The following PLEKHA5 variants were observed in gnomAD, a reference collection of about 807,000 sequenced individuals.
PLEKHA5 encodes the protein pleckstrin homology domain containing A5.
A neutral mutation model predicts 181.9 loss-of-function variants in PLEKHA5; 55 were observed. The ratio of observed to expected loss-of-function variants is 0.30; its 90% CI spans 0.24 to 0.38. The LOEUF is 0.38. PLEKHA5 is among the 10% of genes least tolerant of loss of function. PLEKHA5 has a pLI of 1.00. For synonymous variants in PLEKHA5, 535 were observed against 529.4 expected (o/e 1.01, Z -0.15); for missense variants, 1,432 against 1,549.5 (o/e 0.92, Z 1.27).
At chr12:19,349,988 T>G (rs967538594) in intron 25 of PLEKHA5, among the ~76,000 whole-genome samples, 2 of 152,252 alleles carry the variant, frequency 1.3e-5, no homozygotes, top group Middle Eastern at 3.4e-3. Context: ...AGCACACACC[T>G]GTAGTCCCAG....
At chr12:19,167,105 A>C (rs1023725710) in intron 3 of PLEKHA5, among the ~76,000 whole-genome samples, 1 of 152,104 alleles carries the variant, frequency 6.6e-6, no homozygotes, top group Non-Finnish European at 1.5e-5. Context: ...TCTGTTAAGG[A>C]TTGTTTCCCT....
At chr12:19,214,247 T>C (rs1239047605) in intron 3 of PLEKHA5, among the ~76,000 whole-genome samples, 2 of 151,568 alleles carry the variant, frequency 1.3e-5, no homozygotes, top group African/African-American at 4.9e-5. Flanking sequence ...GAGAGGGGAG[T>C]GTTAACTGTC....
At chr12:19,161,961 C>T (rs918748971) in intron 3 of PLEKHA5, among the ~76,000 whole-genome samples, 2 of 152,038 alleles carry the variant, frequency 1.3e-5, no homozygotes, top group Non-Finnish European at 2.9e-5. Context: ...CTTTTTAAAG[C>T]GGGTATCTGC....
At chr12:19,283,893 A>G in intron 12 of PLEKHA5, 148 bp downstream of exon 12, 1 of 599,046 alleles carries the variant, frequency 1.7e-6, no homozygotes. Flanking sequence ...AAATAAAAAT[A>G]TTTTACAACA....
intron 3 of PLEKHA5, among the ~76,000 whole-genome samples, chr12:19,204,972 C>T (rs1407598773): frequency 1.3e-5 from 2 of 152,114 alleles, no homozygotes; most frequent in Non-Finnish European, 2.9e-5. Flanking sequence ...TGTTTTGCAA[C>T]TTCCAATTCA....
At position 19,376,296 on chromosome 12, in the gene PLEKHA5, A is replaced by G. The variant is rs2095704407; in HGVS notation, c.*777A>G. On this transcript the variant is annotated 3_prime_UTR_variant, in exon 32 of 32. Transcript: ENST00000429027. ...ATGTTCATTGTGTATATATTATACAATGAGCACATGTAATGTATTAAAGGC... is the reference window on the plus strand; with the variant it reads ...ATGTTCATTGTGTATATATTATACAGTGAGCACATGTAATGTATTAAAGGC... The G allele has an allele frequency of 2.0e-5, 3 of 152,640 alleles. No individual in the cohort carries two copies. Among genetic ancestry groups the G allele is most frequent in the Admixed American group, 2.0e-4 (3 of 15,266 alleles). The allele number at this position is 152,640 out of a possible 1,614,324, so 9.5% of individuals were successfully genotyped here.
At chr12:19,274,429 A>C in intron 10 of PLEKHA5, 87 bp from the exon 11 acceptor site, 14 of 866,522 alleles carry the variant, frequency 1.6e-5, no homozygotes, top group African/African-American at 1.7e-5. Flanking sequence ...CCACCCCCGT[A>C]AAGTATAATT....
intron 3 of PLEKHA5, among the ~76,000 whole-genome samples, chr12:19,143,975 CA>C (rs1591798354): frequency 6.6e-6 from 1 of 152,098 alleles, no homozygotes; most frequent in East Asian, 1.9e-4. Context: ...TGAGAAAATA[CA>C]TGAGCTTTTT....
chr12:19,228,786 A>G (rs555221282), intron 3 of PLEKHA5, among the ~76,000 whole-genome samples: 3 of 152,260 alleles, frequency 2.0e-5, no homozygotes, highest in Admixed American at 2.0e-4. Flanking sequence ...TAATTTTTTA[A>G]TTCTCCTACA....
intron 15 of PLEKHA5, among the ~76,000 whole-genome samples, chr12:19,304,876 C>G (rs919668926): frequency 6.6e-6 from 1 of 152,114 alleles, no homozygotes; most frequent in South Asian, 2.1e-4. Context: ...GGGTGGATCT[C>G]TTGAGCCCAG....
intron 31 of PLEKHA5, among the ~76,000 whole-genome samples, chr12:19,375,087 G>T (rs1368524868): frequency 1.3e-5 from 2 of 151,988 alleles, no homozygotes; most frequent in African/African-American, 4.8e-5. Context: ...ACTTTGGGAG[G>T]CCAAGGCAGT....
chr12:19,278,791 G>T (rs16915316), intron 11 of PLEKHA5, among the ~76,000 whole-genome samples: 22,642 of 152,044 alleles, frequency 0.15, 1,789 homozygotes, highest in African/African-American at 0.21. Context: ...AAGAGCAATT[G>T]GGTACCTTTC....
At chr12:19,286,869 G>A (rs375407824) in intron 12 of PLEKHA5, among the ~76,000 whole-genome samples, 3 of 151,766 alleles carry the variant, frequency 2.0e-5, no homozygotes, top group African/African-American at 2.4e-5. Context: ...GAGAGGCTGC[G>A]GTAGGAGGAT....
At chr12:19,324,223 A>C (rs1021475831) in intron 20 of PLEKHA5, among the ~76,000 whole-genome samples, 1 of 152,158 alleles carries the variant, frequency 6.6e-6, no homozygotes, top group African/African-American at 2.4e-5. Flanking sequence ...CTGAATTCCA[A>C]ACGTGAGCCA....
intron 3 of PLEKHA5, among the ~76,000 whole-genome samples, chr12:19,196,419 G>A (rs2052753244): frequency 6.6e-6 from 1 of 152,118 alleles, no homozygotes; most frequent in South Asian, 2.1e-4. Context: ...GAGCATTAAG[G>A]TAACTAACAT....
At chr12:19,215,627 C>G (rs775386564) in intron 3 of PLEKHA5, among the ~76,000 whole-genome samples, 41 of 151,942 alleles carry the variant, frequency 2.7e-4, no homozygotes, top group East Asian at 1.9e-4. Context: ...TATAAAGAGC[C>G]CTGTTCTACT....
At chr12:19,202,779 G>A (rs1346931947) in intron 3 of PLEKHA5, among the ~76,000 whole-genome samples, 1 of 152,012 alleles carries the variant, frequency 6.6e-6, no homozygotes, top group Non-Finnish European at 1.5e-5. Flanking sequence ...CCTTTGGTTA[G>A]GTATCAGATG....
At chr12:19,207,701 A>G (rs2055917094) in intron 3 of PLEKHA5, 1 of 152,136 alleles carries the variant, frequency 6.6e-6, no homozygotes, top group Admixed American at 6.6e-5. Context: ...TTTCTGGCAT[A>G]TGGTTTACTT....
intron 30 of PLEKHA5, 39 bp downstream of exon 30, chr12:19,366,148 T>A: frequency 1.3e-6 from 2 of 1,498,550 alleles, no homozygotes; most frequent in South Asian, 2.4e-5. Context: ...ACCTGGTGCT[T>A]CCTCTGAACT....
Sources: allele counts gnomAD v4.1 joint callset (sites outside exome capture counted in the v4.1 genomes callset), GRCh38; gene constraint gnomAD v4.1.1; transcripts MANE v1.5; gene names NCBI Gene and HGNC (gene_info 2026-07-23, HGNC 2026-07-21).